PC: variants seen among roughly 807,000 people sequenced by gnomAD.
The protein encoded by PC is pyruvate carboxylase, also known as pyruvate carboxylase, mitochondrial.
Under a neutral mutation model 107.8 loss-of-function variants are expected in PC, and 46 were observed. The ratio of observed to expected loss-of-function variants is 0.43; its 90% CI spans 0.34 to 0.55. The LOEUF is 0.55. Ranked by LOEUF, PC falls within the 20% of genes least tolerant of loss-of-function variation. The pLI, the probability that PC is intolerant of heterozygous loss-of-function variation, is 0.04. For missense variants in PC, 1,241 were observed against 1,643.1 expected (o/e 0.76, Z 4.23); for synonymous variants, 662 against 684.7 (o/e 0.97, Z 0.52).
At chr11:66,859,836 A>C in intron 12 of PC, 1 of 1,571,544 alleles carries the variant, frequency 6.4e-7, no homozygotes, top group Non-Finnish European at 8.6e-7. Flanking sequence ...GCTGGGCGGG[A>C]CCCTGACCGT....
intron 3 of PC, among the ~76,000 whole-genome samples, chr11:66,893,484 A>G (rs1267228458): frequency 1.3e-5 from 2 of 152,170 alleles, no homozygotes; most frequent in Non-Finnish European, 2.9e-5. Flanking sequence ...AAACATGAGG[A>G]TGAGCTAAGG....
chr11:66,933,369 C>T lies in PC; in HGVS notation c.-1+19061G>A, dbSNP rs1051144611. ...TCTCCTCTCTGGGTAACATTTTCTC[C>T]GGGTAAGTCTCAACGCTTATTGCTC... is the stretch of plus-strand genomic sequence containing the variant. On this transcript the variant is annotated intron_variant, in intron 3 of 22. Transcript: ENST00000393960. Among the ~76,000 whole-genome samples the T allele has an allele frequency of 6.6e-5, 10 of 152,188 alleles. No homozygotes were observed. The East Asian group carries it at 1.2e-3, about 18-fold the overall frequency.
At chr11:66,947,384 C>T (rs1174050675) in intron 3 of PC, among the ~76,000 whole-genome samples, 3 of 149,612 alleles carry the variant, frequency 2.0e-5, no homozygotes, top group Non-Finnish European at 4.4e-5. Flanking sequence ...GAGATCAAGA[C>T]CATTCTGGCT....
rs757483573 is a variant in PC, at chr11:66,858,140, G to A, written c.1369-4757C>T. ...ACCTCATCCTCAGCGGCAACCAGCT[G>A]GGCCGCATCGCGCCGGGAGCCTTCG... On this transcript the variant is annotated intron_variant, in intron 12 of 22. Transcript: ENST00000393960. This position sits in a 1 kb window ranked among gnomAD's most constrained non-coding sequence, Gnocchi z 5.9. 6.2e-7 allele frequency: 1 copy of A among 1,610,540 alleles called. No homozygotes were observed. The highest frequency in any genetic ancestry group is 1.3e-5 in the African/African-American group (1 of 74,914).
chr11:66,897,189 G>A (rs992069950), intron 3 of PC, among the ~76,000 whole-genome samples: 59 of 152,084 alleles, frequency 3.9e-4, no homozygotes, highest in Non-Finnish European at 2.4e-4. Context: ...CTGCCTAGGC[G>A]TCCCAAAGTG....
chr11:66,938,755 A>G (rs1949057168), intron 3 of PC, among the ~76,000 whole-genome samples: 1 of 152,180 alleles, frequency 6.6e-6, no homozygotes, highest in South Asian at 2.1e-4. Context: ...GTCCTATGGT[A>G]ATAAATTTAG....
At chr11:66,944,664 A>C (rs1296444550) in intron 3 of PC, among the ~76,000 whole-genome samples, 1 of 117,826 alleles carries the variant, frequency 8.5e-6, no homozygotes, top group African/African-American at 3.0e-5. Context: ...TAGCAGCCCA[A>C]AGGGATGAAG....
chr11:66,861,606 G>A (rs987034677), intron 12 of PC, among the ~76,000 whole-genome samples: 1 of 151,120 alleles, frequency 6.6e-6, no homozygotes, highest in Admixed American at 6.6e-5. Flanking sequence ...AGGGTGTGGG[G>A]AGCGAACGCC....
intron 3 of PC, among the ~76,000 whole-genome samples, chr11:66,902,234 C>T (rs762008202): frequency 6.6e-6 from 1 of 152,214 alleles, no homozygotes; most frequent in South Asian, 2.1e-4. Context: ...ACCTTTCATC[C>T]TATGCTTTGG....
At position 66,852,400 on chromosome 11, in the gene PC, GC is replaced by G; in HGVS notation, c.1825+38del. The G allele has an allele frequency of 6.6e-7, 1 of 1,521,746 alleles. No homozygotes were observed. Among genetic ancestry groups the G allele is most frequent in the Non-Finnish European group, 9.1e-7 (1 of 1,096,396 alleles). The allele number at this position is 1,521,746 out of a possible 1,614,324, so 94.3% of individuals were successfully genotyped here. On this transcript the variant is annotated intron_variant, in intron 15 of 22. Coordinates refer to ENST00000393960, the MANE Select transcript of PC (RefSeq NM_001040716.2). The surrounding 1 kb of genome is among the most constrained non-coding windows in gnomAD (Gnocchi z 4.7). The stretch of plus-strand genomic sequence containing the variant: ...CTGTGGGACTGGCCACAGAGCGGGC[GC>G]CCATTCCTACCAGGCGCTGCGCAGC...
chr11:66,916,386 T>G (rs938258862), intron 3 of PC, among the ~76,000 whole-genome samples: 2 of 152,096 alleles, frequency 1.3e-5, no homozygotes, highest in Admixed American at 1.3e-4. Flanking sequence ...GTGACCGACC[T>G]GCCAAGCAGT....
At chr11:66,896,378 C>G (rs564406353) in intron 3 of PC, among the ~76,000 whole-genome samples, 147 of 152,250 alleles carry the variant, frequency 9.7e-4, no homozygotes, top group Admixed American at 4.9e-3. Flanking sequence ...GGCTCCTGGC[C>G]CCAACCTGAA....
chr11:66,913,173 C>A (rs1948379883), intron 3 of PC, among the ~76,000 whole-genome samples: 1 of 151,982 alleles, frequency 6.6e-6, no homozygotes, highest in Non-Finnish European at 1.5e-5. Flanking sequence ...CATTCAGGCC[C>A]TGGGGACACA....
At chr11:66,860,687 T>C (rs1472615967) in intron 12 of PC, 3 of 701,266 alleles carry the variant, frequency 4.3e-6, no homozygotes. Context: ...AGCATGGGCT[T>C]GGGCAGGCGG....
intron 3 of PC, among the ~76,000 whole-genome samples, chr11:66,885,457 C>G (rs2135993911): frequency 6.8e-6 from 1 of 146,960 alleles, no homozygotes; most frequent in African/African-American, 2.5e-5. Context: ...CGCCATTGCA[C>G]TCCAGCCTGG....
intron 3 of PC, among the ~76,000 whole-genome samples, chr11:66,936,999 C>A (rs769258123): frequency 4.6e-5 from 7 of 152,060 alleles, no homozygotes; most frequent in African/African-American, 1.7e-4. Context: ...TGCACCACCA[C>A]GCCTGGCTAA....
chr11:66,918,625 A>G (rs1948519962), intron 3 of PC, among the ~76,000 whole-genome samples: 1 of 151,930 alleles, frequency 6.6e-6, no homozygotes, highest in Non-Finnish European at 1.5e-5. Flanking sequence ...CGCCCACCTC[A>G]GCCTCCCAAA....
intron 11 of PC, among the ~76,000 whole-genome samples, 197 bp from the exon 12 acceptor site, chr11:66,864,153 G>A (rs751917435): frequency 2.0e-5 from 3 of 152,358 alleles, no homozygotes; most frequent in Non-Finnish European, 4.4e-5. Flanking sequence ...CCTTCTCTAC[G>A]TGCCACGCAG....
At chr11:66,919,614 C>T (rs2136087591) in intron 3 of PC, 1 of 152,324 alleles carries the variant, frequency 6.6e-6, no homozygotes, top group South Asian at 2.1e-4. Flanking sequence ...GTGAATACAC[C>T]AGTGCTGAGG....
Sources: gnomAD v4.1 joint callset for allele counts (sites outside exome capture counted in the v4.1 genomes callset) on GRCh38, gnomAD v4.1.1 for gene constraint, Gnocchi (gnomAD v3.1) non-coding constraint, MANE v1.5 for transcripts, NCBI Gene and HGNC (gene_info 2026-07-23, HGNC 2026-07-21) for gene names.